Variants in PTPRO observed in about 807,000 individuals in gnomAD.
The protein encoded by PTPRO is protein tyrosine phosphatase receptor type O.
In PTPRO, 62 loss-of-function variants were observed where a neutral mutation model predicts 145.2. The ratio of observed to expected loss-of-function variants is 0.43; its 90% CI spans 0.35 to 0.53. PTPRO has a LOEUF of 0.53. PTPRO is among the 20% of genes least tolerant of loss of function. The probability of loss-of-function intolerance (pLI) is 0.01; values close to 1 mark genes in which losing one functional copy is unlikely to be tolerated. For missense variants in PTPRO, 1,345 were observed against 1,482.7 expected, an observed-to-expected ratio of 0.91 and a Z score of 1.53; for synonymous variants, 565 against 514.7, an observed-to-expected ratio of 1.10 and a Z score of -1.32.
chr12:15,401,864 G>A (rs558592675), intron 1 of PTPRO, among the ~76,000 whole-genome samples: 1 of 152,166 alleles, frequency 6.6e-6, no homozygotes, highest in Non-Finnish European at 1.5e-5. Context: ...ATTAAAATTT[G>A]TTAGAGTATA....
At chr12:15,461,857 T>C (rs1307990237) in intron 1 of PTPRO, among the ~76,000 whole-genome samples, 2 of 151,800 alleles carry the variant, frequency 1.3e-5, no homozygotes, top group African/African-American at 4.8e-5. Flanking sequence ...TGAGCAACCA[T>C]GCCTGGCCTG....
chr12:15,545,567 C>T (rs1943267681), intron 12 of PTPRO, among the ~76,000 whole-genome samples: 1 of 151,298 alleles, frequency 6.6e-6, no homozygotes, highest in Non-Finnish European at 1.5e-5. Flanking sequence ...TTTTTGGTCT[C>T]AAGAGAGCAA....
chr12:15,373,152 C>T (rs1180219068), intron 1 of PTPRO, among the ~76,000 whole-genome samples: 1 of 152,132 alleles, frequency 6.6e-6, no homozygotes. Flanking sequence ...AGAGCCATAA[C>T]TAAAATGCTA....
chr12:15,505,833 A>G (rs1286316440), intron 6 of PTPRO, among the ~76,000 whole-genome samples: 1 of 152,184 alleles, frequency 6.6e-6, no homozygotes, highest in South Asian at 2.1e-4. Flanking sequence ...ATTACAATTT[A>G]TTATATGTTT....
chr12:15,581,364 G>C (rs1275959871), intron 22 of PTPRO, among the ~76,000 whole-genome samples: 1 of 139,582 alleles, frequency 7.2e-6, no homozygotes, highest in Non-Finnish European at 1.5e-5. Flanking sequence ...GCAGTGGCAC[G>C]ATCTCAGCTC....
chr12:15,354,813 A>G (rs1219606035), intron 1 of PTPRO, among the ~76,000 whole-genome samples: 1 of 152,244 alleles, frequency 6.6e-6, no homozygotes, highest in Non-Finnish European at 1.5e-5. Flanking sequence ...GCTTAGGGCT[A>G]TGAAATAACC....
chr12:15,367,641 C>G lies in PTPRO; in HGVS notation c.75+44840C>G, dbSNP rs375607738. On this transcript the variant is annotated intron_variant, in intron 1 of 26. Coordinates refer to ENST00000281171, the MANE Select transcript of PTPRO (RefSeq NM_030667.3). ...TGTCTCAAATGTAACAGACCTGAAA[C>G]TGGGCTTCTCAAATTCTCTTGCCAA... Among the ~76,000 whole-genome samples, 35 of 152,326 alleles carry G rather than the reference C, an allele frequency of 2.3e-4. No homozygotes were observed. In the East Asian group the frequency reaches 3.7e-3, roughly 16 times the overall value.
At chr12:15,403,357 T>C (rs1939553189) in intron 1 of PTPRO, among the ~76,000 whole-genome samples, 1 of 151,966 alleles carries the variant, frequency 6.6e-6, no homozygotes, top group East Asian at 1.9e-4. Context: ...CCGAGGCGGA[T>C]GGATCACCTG....
chr12:15,526,774 A>G (rs892628292), intron 12 of PTPRO, among the ~76,000 whole-genome samples: 6 of 152,112 alleles, frequency 3.9e-5, no homozygotes, highest in African/African-American at 1.4e-4. Flanking sequence ...AACTACTCTA[A>G]AAGACATAAT....
chr12:15,396,794 G>A (rs920942549), intron 1 of PTPRO, among the ~76,000 whole-genome samples: 10 of 152,110 alleles, frequency 6.6e-5, no homozygotes, highest in African/African-American at 2.2e-4. Context: ...TCTTAATATA[G>A]TCTTTCCCTT....
chr12:15,529,656 T>C (rs1942919535), intron 12 of PTPRO, among the ~76,000 whole-genome samples: 1 of 151,970 alleles, frequency 6.6e-6, no homozygotes, highest in South Asian at 2.1e-4. Flanking sequence ...ATCTTAAAAA[T>C]AAGCAAATAA....
chr12:15,324,994 A>T (rs1866407133), intron 1 of PTPRO, among the ~76,000 whole-genome samples: 1 of 152,182 alleles, frequency 6.6e-6, no homozygotes, highest in Admixed American at 6.5e-5. Context: ...TGACTGGAGG[A>T]TGAGAAAAAA....
intron 1 of PTPRO, among the ~76,000 whole-genome samples, chr12:15,430,072 T>C (rs1940391286): frequency 1.3e-5 from 2 of 151,900 alleles, no homozygotes; most frequent in Non-Finnish European, 2.9e-5. Flanking sequence ...GACGTTCAAG[T>C]AGGCATTTCA....
intron 1 of PTPRO, among the ~76,000 whole-genome samples, chr12:15,368,950 C>T (rs748991892): frequency 2.0e-5 from 3 of 152,284 alleles, no homozygotes; most frequent in Non-Finnish European, 2.9e-5. Flanking sequence ...GAGCAACTCC[C>T]GTGGGGGCTG....
intron 2 of PTPRO, among the ~76,000 whole-genome samples, chr12:15,493,113 T>C (rs1312293352): frequency 6.6e-6 from 1 of 152,116 alleles, no homozygotes; most frequent in Non-Finnish European, 1.5e-5. Flanking sequence ...AAAAGCGAAG[T>C]ATCTACAAAG....
chr12:15,412,326 A>AT (rs1939822918), intron 1 of PTPRO, among the ~76,000 whole-genome samples: 2 of 152,236 alleles, frequency 1.3e-5, no homozygotes. Flanking sequence ...GACAAATAAA[A>AT]TTCTTTTTTA....
intron 12 of PTPRO, among the ~76,000 whole-genome samples, chr12:15,528,880 A>G (rs1445480324): frequency 6.6e-6 from 1 of 152,208 alleles, no homozygotes; most frequent in African/African-American, 2.4e-5. Context: ...CAAAGAAAAA[A>G]AACTGCCATC....
chr12:15,429,207 G>A (rs954310246), intron 1 of PTPRO, among the ~76,000 whole-genome samples: 12 of 152,122 alleles, frequency 7.9e-5, no homozygotes, highest in African/African-American at 2.9e-4. Context: ...ACTGTGCTGG[G>A]GCTTGAGATA....
intron 1 of PTPRO, among the ~76,000 whole-genome samples, chr12:15,414,167 G>A (rs563485021): frequency 7.2e-5 from 11 of 152,288 alleles, no homozygotes; most frequent in African/African-American, 2.2e-4. Context: ...AACATGTCAC[G>A]ACATACGTTT....
Sources: gnomAD v4.1 joint callset for allele counts (sites outside exome capture counted in the v4.1 genomes callset) on GRCh38, gnomAD v4.1.1 for gene constraint, MANE v1.5 for transcripts, NCBI Gene and HGNC (gene_info 2026-07-23, HGNC 2026-07-21) for gene names.